The following TG variants were observed in gnomAD, a reference collection of about 807,000 sequenced individuals.
TG encodes the protein thyroid hormones.
TG carries 270 observed loss-of-function variants against 324.7 expected under a neutral mutation model. The ratio of observed to expected loss-of-function variants is 0.83; its 90% CI spans 0.75 to 0.92. The LOEUF (loss-of-function observed/expected upper bound fraction) is 0.92, where lower values mean the gene tolerates loss of function less well. Ranked by LOEUF, TG falls within the 40% of genes least tolerant of loss-of-function variation. The pLI is 0.00. For synonymous variants in TG, 1,401 were observed against 1,327.0 expected, an observed-to-expected ratio of 1.06 and a Z score of -1.21; for missense variants, 3,591 against 3,456.4, an observed-to-expected ratio of 1.04 and a Z score of -0.98.
rs530949027 is a variant in TG at position 133,024,652 on chromosome 8, C to T, written c.7036+2502C>T. Reference sequence around the variant, plus strand: ...TTCAACTCCCACTTATGAATGAGAACATGTGGTGTTTGGTTTTCTGTTCCT... The same window carrying T: ...TTCAACTCCCACTTATGAATGAGAATATGTGGTGTTTGGTTTTCTGTTCCT... On this transcript the variant is annotated intron_variant, in intron 40 of 47. Coordinates refer to ENST00000220616, the MANE Select transcript of TG (RefSeq NM_003235.5). Among the ~76,000 whole-genome samples, 30 of 151,000 alleles carry T rather than the reference C, an allele frequency of 2.0e-4. 2 individuals carry two copies. The South Asian group carries it at 5.6e-3, about 28-fold the overall frequency.
At chr8:132,890,383 T>A (rs532792036) in intron 10 of TG, among the ~76,000 whole-genome samples, 3 of 152,280 alleles carry the variant, frequency 2.0e-5, no homozygotes, top group Non-Finnish European at 4.4e-5. Flanking sequence ...CTTTTGTTGA[T>A]AAGGGTATGC....
intron 28 of TG, 79 bp downstream of exon 28, chr8:132,961,152 G>C: frequency 1.4e-6 from 2 of 1,399,060 alleles, no homozygotes; most frequent in Non-Finnish European, 2.0e-6. Flanking sequence ...CATTCACAGG[G>C]CACTCTATTT....
intron 40 of TG, among the ~76,000 whole-genome samples, chr8:133,026,851 T>G (rs1356173897): frequency 6.6e-6 from 1 of 152,170 alleles, no homozygotes; most frequent in Admixed American, 6.5e-5. Context: ...ATCAGCAACA[T>G]AACGTTAGAA....
intron 29 of TG, chr8:132,965,019 G>A (rs1828341968): frequency 3.0e-6 from 2 of 676,560 alleles, no homozygotes; most frequent in Admixed American, 2.3e-5. Context: ...CTGCTGCCTT[G>A]TTTCTCTTCT....
intron 43 of TG, among the ~76,000 whole-genome samples, chr8:133,103,368 C>A (rs935965871): frequency 6.6e-6 from 1 of 152,132 alleles, no homozygotes; most frequent in African/African-American, 2.4e-5. Flanking sequence ...TGTAAACCCT[C>A]CACCCTGGAG....
At position 132,882,820 on chromosome 8, in the gene TG, C is replaced by T. The variant is rs376206629; in HGVS notation, c.896C>T (p.Thr299Ile). Residue 299 changes from threonine (T) to isoleucine (I), a missense_variant, in exon 8 of 48, where the codon ACA (threonine) becomes ATA (isoleucine). Transcript: ENST00000220616. ...CTGTGTGGATTTCCTCTAGGCCCCA[C>T]AAAATGTGAAGTGGAGCGGTTTACA... ...SVISGRFRCP[T>I]KCEVERFTAT... is the part of the protein sequence containing the mutation. 5.0e-6 allele frequency: 8 copies of T among 1,614,206 alleles called. No individual in the cohort carries two copies. Among genetic ancestry groups the T allele is most frequent in the South Asian group, 1.1e-5 (1 of 91,086 alleles).
At chr8:132,912,996 C>A in intron 19 of TG, 51 bp from the exon 20 acceptor site, 3 of 1,563,756 alleles carry the variant, frequency 1.9e-6, no homozygotes, top group Non-Finnish European at 2.6e-6. Flanking sequence ...TCCTCCCTGG[C>A]CCTAGCAGAG....
At position 132,887,331 on chromosome 8, in the gene TG, T is replaced by C; in HGVS notation, c.1959T>C (p.Gly653=). 6.2e-7 allele frequency: 1 copy of C among 1,611,062 alleles called. No homozygotes were observed. The highest frequency in any genetic ancestry group is 8.5e-7 in the Non-Finnish European group (1 of 1,177,526). ...GKELPGSRVR[G]GQPRCPTDCE... ...AGCTTCCAGGCTCAAGAGTCAGAGG[T>C]GGACAGCCAAGGTGCCCCACAGACT... The change falls in exon 9 of 48, where the codon GGT becomes GGC. Residue 653 remains glycine (G), a synonymous_variant. Coordinates refer to ENST00000220616, the MANE Select transcript of TG (RefSeq NM_003235.5).
At chr8:132,963,806 A>G (rs148818410) in intron 29 of TG, among the ~76,000 whole-genome samples, 1 of 152,226 alleles carries the variant, frequency 6.6e-6, no homozygotes, top group Non-Finnish European at 1.5e-5. Flanking sequence ...CTGCTGGCAC[A>G]GGAAGGCAGC....
intron 41 of TG, among the ~76,000 whole-genome samples, chr8:133,052,664 C>A (rs1412574094): frequency 6.6e-6 from 1 of 152,228 alleles, no homozygotes; most frequent in African/African-American, 2.4e-5. Context: ...CAAGTTCTCA[C>A]AAAGGGCAGG....
At chr8:133,031,069 T>C (rs745395733) in intron 41 of TG, among the ~76,000 whole-genome samples, 14 of 152,148 alleles carry the variant, frequency 9.2e-5, no homozygotes, top group Non-Finnish European at 2.1e-4. Flanking sequence ...TGTGCAACCA[T>C]TACTACTATC....
intron 41 of TG, among the ~76,000 whole-genome samples, chr8:133,086,481 C>G (rs918947864): frequency 3.9e-5 from 6 of 151,982 alleles, no homozygotes; most frequent in African/African-American, 1.2e-4. Flanking sequence ...CATGTGGCAC[C>G]TATTTAATGA....
At chr8:132,876,660 T>A (rs936777141) in intron 5 of TG, among the ~76,000 whole-genome samples, 17 of 152,186 alleles carry the variant, frequency 1.1e-4, no homozygotes, top group Non-Finnish European at 2.2e-4. Flanking sequence ...GGCTGGAAAA[T>A]TTTAAAGAAC....
intron 37 of TG, among the ~76,000 whole-genome samples, chr8:133,014,075 G>T (rs1834801865): frequency 6.6e-6 from 1 of 152,100 alleles, no homozygotes; most frequent in Non-Finnish European, 1.5e-5. Context: ...ATCTCATTTG[G>T]TCCTCACATT....
At chr8:132,981,167 A>C (rs1830793813) in intron 34 of TG, among the ~76,000 whole-genome samples, 1 of 152,208 alleles carries the variant, frequency 6.6e-6, no homozygotes, top group African/African-American at 2.4e-5. Flanking sequence ...AGTGGGTGTG[A>C]AAGGAAAGTA....
intron 18 of TG, 44 bp downstream of exon 18, chr8:132,908,384 C>T: frequency 6.6e-7 from 1 of 1,508,480 alleles, no homozygotes; most frequent in Non-Finnish European, 8.9e-7. Flanking sequence ...GGACTCAACT[C>T]AGGGTTACGG....
At chr8:132,907,716 C>A (rs916413035) in intron 17 of TG, among the ~76,000 whole-genome samples, 1 of 152,148 alleles carries the variant, frequency 6.6e-6, no homozygotes, top group Non-Finnish European at 1.5e-5. Flanking sequence ...ACAACTGACC[C>A]TAGAGCAAAG....
chr8:133,046,114 C>T (rs1839341733), intron 41 of TG, among the ~76,000 whole-genome samples: 1 of 152,176 alleles, frequency 6.6e-6, no homozygotes, highest in African/African-American at 2.4e-5. Context: ...TCGATTTCCT[C>T]AAATGCAAAA....
intron 38 of TG, 22 bp from the exon 39 acceptor site, chr8:133,019,580 G>C (rs1421823407): frequency 2.5e-6 from 4 of 1,610,250 alleles, no homozygotes; most frequent in Non-Finnish European, 3.4e-6. Context: ...TGTCTTGGAA[G>C]TCACCCAGTC....
Sources: gnomAD v4.1 joint callset for allele counts (sites outside exome capture counted in the v4.1 genomes callset) on GRCh38, gnomAD v4.1.1 for gene constraint, MANE v1.5 for transcripts, NCBI Gene and HGNC (gene_info 2026-07-23, HGNC 2026-07-21) for gene names.